The following DPH6 variants were observed in gnomAD, a reference collection of about 807,000 sequenced individuals.
DPH6 encodes diphthine--ammonia ligase.
A neutral mutation model predicts 38.2 loss-of-function variants in DPH6; 33 were observed. That is an observed-to-expected ratio of 0.86 (90% CI 0.65 to 1.15). The LOEUF (loss-of-function observed/expected upper bound fraction) is 1.15. Ranked by LOEUF, DPH6 falls within the 50% of genes most tolerant of loss-of-function variation. The pLI is 0.00. For synonymous variants in DPH6, 108 were observed against 103.0 expected, an observed-to-expected ratio of 1.05 and a Z score of -0.30; for missense variants, 325 against 320.0, an observed-to-expected ratio of 1.02 and a Z score of -0.12.
At chr15:35,364,838 C>CTAT (rs2140911225) in intron 3 of DPH6, among the ~76,000 whole-genome samples, 1 of 152,052 alleles carries the variant, frequency 6.6e-6, no homozygotes, top group Admixed American at 6.6e-5. Context: ...CTCTTAGCTA[C>CTAT]TATGCTTTTA....
intron 3 of DPH6, among the ~76,000 whole-genome samples, chr15:35,514,648 TA>T (rs966006323): frequency 6.6e-6 from 1 of 152,120 alleles, no homozygotes; most frequent in Admixed American, 6.5e-5. Flanking sequence ...GTGGAAGCAC[TA>T]AAAAAACTAT....
At chr15:35,240,983 A>G (rs1434846160) in intron 3 of DPH6, among the ~76,000 whole-genome samples, 2 of 143,408 alleles carry the variant, frequency 1.4e-5, no homozygotes, top group Non-Finnish European at 3.1e-5. Flanking sequence ...AAGAACTTCC[A>G]AACGCCTGAA....
At chr15:35,500,763 C>CTGT (rs1194945618) in intron 3 of DPH6, among the ~76,000 whole-genome samples, 3 of 152,024 alleles carry the variant, frequency 2.0e-5, no homozygotes, top group African/African-American at 7.2e-5. Flanking sequence ...GATAATTATT[C>CTGT]TGTTTTGTTG....
the DPH6 span, among the ~76,000 whole-genome samples, chr15:35,154,117 C>T: frequency 6.6e-6 from 1 of 152,000 alleles, no homozygotes; most frequent in African/African-American, 2.4e-5. Flanking sequence ...CTCTATTGCA[C>T]AGTAGGGTGA....
intron 3 of DPH6, among the ~76,000 whole-genome samples, chr15:35,362,289 C>A (rs753545979): frequency 1.2e-4 from 18 of 152,280 alleles, no homozygotes; most frequent in Non-Finnish European, 2.2e-4. Flanking sequence ...AGCCACTGAG[C>A]TCTCTTTGCA....
chr15:35,160,750 A>G, the DPH6 span, among the ~76,000 whole-genome samples: 2 of 151,926 alleles, frequency 1.3e-5, no homozygotes, highest in Admixed American at 1.3e-4. Context: ...ATCAGAGGCC[A>G]GTTCTTAGTA....
rs546164404 is a variant in DPH6 at position 35,496,486 on chromosome 15, C to T, written c.313-41666G>A. Among the ~76,000 whole-genome samples the T allele has an allele frequency of 2.8e-5, 4 of 143,854 alleles. No individual in the cohort carries two copies. In the South Asian group the frequency reaches 6.7e-4, roughly 24 times the overall value. 94.4% of individuals were successfully genotyped at this position (143,854 alleles called of 152,430 possible). A position where few individuals can be genotyped will look rare whatever the true frequency, so the allele number is the denominator to read the frequency against. The stretch of plus-strand genomic sequence containing the variant: ...AGGAGAATCGCTAGAACCCGGGAGG[C>T]GGAGGTTGCAGTGAGCTGAAATTGG... On this transcript the variant is annotated intron_variant, in intron 3 of 8. Transcript: ENST00000256538.
intron 3 of DPH6, among the ~76,000 whole-genome samples, chr15:35,359,787 G>A (rs2052598247): frequency 6.6e-6 from 1 of 152,058 alleles, no homozygotes; most frequent in Admixed American, 6.5e-5. Flanking sequence ...GTCTGTTTTT[G>A]GAGTCATCTT....
At chr15:35,181,688 T>C in the DPH6 span, 42,496 of 151,662 alleles carry the variant, frequency 0.28, 6,617 homozygotes, top group East Asian at 0.67. Context: ...AATGTTAAGA[T>C]GACATGCTGA....
In DPH6 at chr15:35,410,863, A is replaced by T. The variant is rs754256854; in HGVS notation, c.539T>A (p.Leu180Gln). 6.2e-7 allele frequency: 1 copy of T among 1,605,128 alleles called. No individual in the cohort carries two copies. The highest frequency in any genetic ancestry group is 8.5e-7 in the Non-Finnish European group (1 of 1,175,572). The change falls in exon 6 of 9, where the codon CTG becomes CAG. Residue 180 changes from leucine to glutamine, a missense_variant. Physicochemically the swap from Leu to Gln is moderately radical, Grantham distance 113. Coordinates refer to ENST00000256538, the MANE Select transcript of DPH6 (RefSeq NM_080650.4). Reference sequence around the variant, plus strand: ...TATGAGATAAGGCTCCATTTGATCCAGGGTTTTCCCAAGATGCTTATCAGG... The same window carrying T: ...TATGAGATAAGGCTCCATTTGATCCTGGGTTTTCCCAAGATGCTTATCAGG... ...LDPDKHLGKTLDQMEPYLIEL... is the reference protein window; with the variant it reads ...LDPDKHLGKTQDQMEPYLIEL...
At chr15:35,352,939 C>G (rs1021603472) in intron 3 of DPH6, among the ~76,000 whole-genome samples, 10 of 152,178 alleles carry the variant, frequency 6.6e-5, no homozygotes, top group Non-Finnish European at 1.0e-4. Flanking sequence ...CTCTCCAGCA[C>G]CTGTTGTTTC....
At chr15:35,535,422 T>C (rs1005951760) in intron 3 of DPH6, among the ~76,000 whole-genome samples, 1 of 152,130 alleles carries the variant, frequency 6.6e-6, no homozygotes, top group African/African-American at 2.4e-5. Flanking sequence ...TTATTAAATA[T>C]AGATTATACT....
chr15:35,521,652 G>T, intron 3 of DPH6: 1 of 1,230,486 alleles, frequency 8.1e-7, no homozygotes, highest in Non-Finnish European at 1.0e-6. Context: ...TAATATGCAG[G>T]ATATTTAACT....
chr15:35,524,110 GA>G (rs1390240486), intron 3 of DPH6, among the ~76,000 whole-genome samples: 4 of 150,278 alleles, frequency 2.7e-5, no homozygotes, highest in African/African-American at 9.8e-5. Context: ...ACCCTTCAAA[GA>G]TAGAAACTTG....
At chr15:35,427,789 A>G (rs553230549) in intron 5 of DPH6, among the ~76,000 whole-genome samples, 1 of 152,140 alleles carries the variant, frequency 6.6e-6, no homozygotes, top group East Asian at 1.9e-4. Flanking sequence ...TTTGGAAGGA[A>G]AGGCCACAGG....
chr15:35,168,505 GATA>G, the DPH6 span, among the ~76,000 whole-genome samples: 1 of 151,926 alleles, frequency 6.6e-6, no homozygotes, highest in African/African-American at 2.4e-5. Flanking sequence ...TTTTACTGAT[GATA>G]ATGATGATGG....
intron 5 of DPH6, among the ~76,000 whole-genome samples, chr15:35,420,736 C>T (rs1038387781): frequency 3.9e-5 from 6 of 151,960 alleles, no homozygotes; most frequent in African/African-American, 9.7e-5. Context: ...AGGCTGGTCG[C>T]GAACTCCTAA....
chr15:35,359,802 G>A (rs1473127166), intron 3 of DPH6, among the ~76,000 whole-genome samples: 1 of 152,016 alleles, frequency 6.6e-6, no homozygotes, highest in Non-Finnish European at 1.5e-5. Flanking sequence ...CATCTTCTAA[G>A]TTTTTCAGTT....
chr15:35,197,602 T>C, the DPH6 span, among the ~76,000 whole-genome samples: 2 of 152,238 alleles, frequency 1.3e-5, no homozygotes, highest in African/African-American at 4.8e-5. Context: ...GGAATATGTA[T>C]ACATGCCTGA....
Sources: allele counts gnomAD v4.1 joint callset (sites outside exome capture counted in the v4.1 genomes callset), GRCh38; gene constraint gnomAD v4.1.1; transcripts MANE v1.5; gene names NCBI Gene and HGNC (gene_info 2026-07-23, HGNC 2026-07-21).